SRPK2: variants seen among roughly 807,000 people sequenced by gnomAD.
SRPK2 encodes the protein SRSF protein kinase 2, also known as SFRS protein kinase 2.
SRPK2 carries 21 observed loss-of-function variants against 90.8 expected under a neutral mutation model. The ratio of observed to expected loss-of-function variants is 0.23; its 90% CI spans 0.16 to 0.33. SRPK2 has a LOEUF of 0.33. Ranked by LOEUF, SRPK2 falls within the 10% of genes least tolerant of loss-of-function variation. The pLI, the probability that SRPK2 is intolerant of heterozygous loss-of-function variation, is 1.00. For synonymous variants in SRPK2, 288 were observed against 311.1 expected (o/e 0.93, Z 0.78); for missense variants, 620 against 869.0 (o/e 0.71, Z 3.60).
chr7:105,269,027 GA>G, intron 2 of SRPK2: 1 of 1,322,304 alleles, frequency 7.6e-7, no homozygotes, highest in Non-Finnish European at 9.8e-7. Context: ...GCTATAAAGG[GA>G]AAAAGCTCCA....
intron 2 of SRPK2, among the ~76,000 whole-genome samples, chr7:105,323,014 C>T (rs913388301): frequency 3.3e-5 from 5 of 152,102 alleles, no homozygotes; most frequent in African/African-American, 1.2e-4. Context: ...GCCTGGCCAA[C>T]ATGGTGAAAT....
At chr7:105,334,848 A>C (rs945527532) in intron 2 of SRPK2, among the ~76,000 whole-genome samples, 2 of 149,936 alleles carry the variant, frequency 1.3e-5, no homozygotes, top group African/African-American at 5.0e-5. Context: ...AAAAAAAAAA[A>C]CAAAAAAAAA....
chr7:105,239,421 G>A (rs944555810), intron 2 of SRPK2, among the ~76,000 whole-genome samples: 3 of 152,142 alleles, frequency 2.0e-5, no homozygotes, highest in Non-Finnish European at 4.4e-5. Flanking sequence ...AAAATATAGA[G>A]AGAACAAAGG....
chr7:105,283,525 ATAT>A (rs1345617586), intron 2 of SRPK2, among the ~76,000 whole-genome samples: 1 of 152,178 alleles, frequency 6.6e-6, no homozygotes, highest in African/African-American at 2.4e-5. Flanking sequence ...CACATAACAA[ATAT>A]TATATGATTT....
At chr7:105,388,424 T>C (rs1161242638) in intron 2 of SRPK2, among the ~76,000 whole-genome samples, 5 of 143,920 alleles carry the variant, frequency 3.5e-5, no homozygotes, top group Non-Finnish European at 6.1e-5. Flanking sequence ...GGTCGCGGGG[T>C]CGAGGCTCCG....
chr7:105,248,812 T>G (rs55796396), intron 2 of SRPK2, among the ~76,000 whole-genome samples: 28,847 of 151,030 alleles, frequency 0.19, 3,503 homozygotes, highest in East Asian at 0.64. Context: ...GGGTGTGGTG[T>G]TGGGCGCCTG....
At chr7:105,332,505 T>C (rs941562786) in intron 2 of SRPK2, among the ~76,000 whole-genome samples, 1 of 152,188 alleles carries the variant, frequency 6.6e-6, no homozygotes, top group African/African-American at 2.4e-5. Flanking sequence ...GTCTCATGCC[T>C]GTAATCTCAG....
chr7:105,243,561 G>C (rs950844595), intron 2 of SRPK2, among the ~76,000 whole-genome samples: 12 of 150,260 alleles, frequency 8.0e-5, no homozygotes, highest in African/African-American at 2.9e-4. Flanking sequence ...AACCCAGGAG[G>C]TGGAGGCTGC....
At chr7:105,266,083 A>G (rs1805027177) in intron 2 of SRPK2, among the ~76,000 whole-genome samples, 1 of 152,192 alleles carries the variant, frequency 6.6e-6, no homozygotes, top group South Asian at 2.1e-4. Context: ...CTTTAAAGGT[A>G]AAAACATAAT....
intron 2 of SRPK2, among the ~76,000 whole-genome samples, chr7:105,336,926 C>T (rs1324797753): frequency 6.6e-6 from 1 of 151,958 alleles, no homozygotes; most frequent in African/African-American, 2.4e-5. Context: ...CTCAGCCTCC[C>T]AAGTAGCTGG....
intron 15 of SRPK2, among the ~76,000 whole-genome samples, chr7:105,122,819 A>G (rs997594299): frequency 6.6e-6 from 1 of 151,832 alleles, no homozygotes; most frequent in African/African-American, 2.4e-5. Flanking sequence ...ACGCGCGCGC[A>G]CACATGCACA....
At chr7:105,248,435 T>TA (rs749982663) in intron 2 of SRPK2, among the ~76,000 whole-genome samples, 4,283 of 109,564 alleles carry the variant, frequency 0.039, 124 homozygotes, top group East Asian at 0.083. Context: ...TACAAAAAAT[T>TA]TAAAAAAAAA....
intron 2 of SRPK2, among the ~76,000 whole-genome samples, chr7:105,246,410 T>C (rs1313832372): frequency 1.3e-5 from 2 of 152,178 alleles, no homozygotes; most frequent in East Asian, 3.8e-4. Flanking sequence ...CCAGTTATAT[T>C]TGAGATGTCG....
At chr7:105,268,564 G>A (rs1296231565) in intron 2 of SRPK2, among the ~76,000 whole-genome samples, 3 of 152,062 alleles carry the variant, frequency 2.0e-5, no homozygotes, top group Non-Finnish European at 2.9e-5. Context: ...ATGAACCAGC[G>A]GTCTGCTGTG....
intron 6 of SRPK2, among the ~76,000 whole-genome samples, chr7:105,163,999 C>A (rs975417525): frequency 6.6e-6 from 1 of 152,162 alleles, no homozygotes; most frequent in Non-Finnish European, 1.5e-5. Context: ...GAGCTTTCAA[C>A]GGAAATTTTA....
At chr7:105,277,736 AT>A (rs1351312681) in intron 2 of SRPK2, among the ~76,000 whole-genome samples, 3 of 152,212 alleles carry the variant, frequency 2.0e-5, no homozygotes, top group African/African-American at 7.2e-5. Context: ...TCAAAAAACT[AT>A]CCCCAATTAT....
At chr7:105,311,306 T>C (rs1811686003) in intron 2 of SRPK2, among the ~76,000 whole-genome samples, 1 of 152,186 alleles carries the variant, frequency 6.6e-6, no homozygotes, top group Admixed American at 6.5e-5. Context: ...GATCTGGACT[T>C]ACTGCAACTT....
chr7:105,119,504 GA>G lies in SRPK2; in HGVS notation c.1916-1483del, dbSNP rs569728044. 2.0e-3 allele frequency among the ~76,000 whole-genome samples: 310 copies of G among 152,270 alleles called. 1 individual carries two copies. Among genetic ancestry groups the G allele is most frequent in the African/African-American group, 7.2e-3 (298 of 41,556 alleles). On this transcript the variant is annotated intron_variant, in intron 15 of 15. Coordinates refer to ENST00000393651, the MANE Select transcript of SRPK2 (RefSeq NM_182692.3). ...TGCTGTGCACAGGGTTCCGTATAAA[GA>G]ATCTTTTAAGAGGGCTGCTTGCTAA...
At position 105,331,308 on chromosome 7, in the gene SRPK2, CAAAAAAAAAAAAAAA is replaced by C. The variant is rs57653042; in HGVS notation, c.71+57325_71+57339del. Among the ~76,000 whole-genome samples, 366 of 45,114 alleles carry C rather than the reference CAAAAAAAAAAAAAAA, an allele frequency of 8.1e-3. 11 individuals are homozygous for C. The East Asian group carries it at 0.11, about 14-fold the overall frequency. 29.6% of individuals were successfully genotyped at this position (45,114 alleles called of 152,430 possible). A position where few individuals can be genotyped will look rare whatever the true frequency, so the allele number is the denominator to read the frequency against. ...TGGGCGACAGAGCGAGACTCCGTCTCAAAAAAAAAAAAAAAAAAAAAAAAAAAAACAAATAGTTAT... is the reference window on the plus strand; with the variant it reads ...TGGGCGACAGAGCGAGACTCCGTCTCAAAAAAAAAAAAAACAAATAGTTAT... On this transcript the variant is annotated intron_variant, in intron 2 of 15. Coordinates refer to ENST00000393651, the MANE Select transcript of SRPK2 (RefSeq NM_182692.3).
Sources: allele counts gnomAD v4.1 joint callset (sites outside exome capture counted in the v4.1 genomes callset), GRCh38; gene constraint gnomAD v4.1.1; transcripts MANE v1.5; gene names NCBI Gene and HGNC (gene_info 2026-07-23, HGNC 2026-07-21).